ROBO1: variants seen among roughly 807,000 people sequenced by gnomAD.
The protein encoded by ROBO1 is roundabout homolog 1.
Under a neutral mutation model 195.9 loss-of-function variants are expected in ROBO1, and 149 were observed. That is an observed-to-expected ratio of 0.76 (90% CI 0.67 to 0.87). The LOEUF (loss-of-function observed/expected upper bound fraction) is 0.87. Among genes scored for constraint, ROBO1 ranks in the 40% least tolerant of loss-of-function variants. The pLI is 0.00. For missense variants in ROBO1, 1,933 were observed against 2,068.3 expected (o/e 0.93, Z 1.27); for synonymous variants, 816 against 733.2 (o/e 1.11, Z -1.82).
chr3:78,689,068 A>AT (rs1479485766), intron 8 of ROBO1, among the ~76,000 whole-genome samples: 1 of 152,166 alleles, frequency 6.6e-6, no homozygotes, highest in Non-Finnish European at 1.5e-5. Context: ...ATATACCTGA[A>AT]TTTTTTATGA....
chr3:78,799,545 G>T (rs373800500), intron 4 of ROBO1, among the ~76,000 whole-genome samples: 12 of 151,968 alleles, frequency 7.9e-5, no homozygotes, highest in East Asian at 5.8e-4. Flanking sequence ...GTTTCACCGT[G>T]TTAGCCAGGA....
chr3:79,314,707 T>A (rs1009154570), intron 2 of ROBO1, among the ~76,000 whole-genome samples: 1 of 152,226 alleles, frequency 6.6e-6, no homozygotes, highest in African/African-American at 2.4e-5. Context: ...TTCGACAGCA[T>A]ACACTCTTCT....
At chr3:78,897,221 T>G (rs768927611) in intron 4 of ROBO1, among the ~76,000 whole-genome samples, 80 of 152,170 alleles carry the variant, frequency 5.3e-4, no homozygotes, top group Admixed American at 5.2e-4. Context: ...TTTTCAGAAT[T>G]TCAAAGCTCA....
chr3:79,557,618 T>C (rs1942749189), intron 2 of ROBO1, among the ~76,000 whole-genome samples: 1 of 151,056 alleles, frequency 6.6e-6, no homozygotes, highest in Admixed American at 6.6e-5. Flanking sequence ...CCGGTAATCC[T>C]AGCTACTCAG....
chr3:79,284,834 C>A (rs893908653), intron 2 of ROBO1, among the ~76,000 whole-genome samples: 33 of 151,952 alleles, frequency 2.2e-4, no homozygotes. Flanking sequence ...ATTCATAAAT[C>A]TTTACTTGTA....
At chr3:78,991,869 C>G (rs2077245977) in intron 3 of ROBO1, among the ~76,000 whole-genome samples, 1 of 151,502 alleles carries the variant, frequency 6.6e-6, no homozygotes, top group Non-Finnish European at 1.5e-5. Context: ...ACTCAGGCAT[C>G]ATAGAAGAAA....
At chr3:78,843,752 C>T (rs1433350069) in intron 4 of ROBO1, among the ~76,000 whole-genome samples, 5 of 151,868 alleles carry the variant, frequency 3.3e-5, no homozygotes, top group Non-Finnish European at 5.9e-5. Flanking sequence ...AATCAAAGTT[C>T]GAGAAGAATC....
chr3:79,167,208 CA>C (rs1244838290), intron 2 of ROBO1, among the ~76,000 whole-genome samples: 2 of 140,338 alleles, frequency 1.4e-5, no homozygotes, highest in South Asian at 2.1e-4. Context: ...TTTCCTAATT[CA>C]TCCAGAGCAT....
Position 79,284,560 on chromosome 3 carries a change from G to A in ROBO1, c.89-159021C>T, listed in dbSNP as rs147610150. Among the ~76,000 whole-genome samples the A allele has an allele frequency of 3.9e-4, 59 of 152,128 alleles. No homozygotes were observed. The East Asian group carries it at 5.0e-3, about 13-fold the overall frequency. The stretch of plus-strand genomic sequence containing the variant: ...TGTATCTTTATAGTCAAAATACTTC[G>A]TAGTATACAATATAAACTTATGTCT... On this transcript the variant is annotated intron_variant, in intron 2 of 30. Coordinates refer to ENST00000464233, the MANE Select transcript of ROBO1 (RefSeq NM_002941.4).
intron 2 of ROBO1, among the ~76,000 whole-genome samples, chr3:79,256,449 G>C (rs1031941917): frequency 6.6e-6 from 1 of 152,034 alleles, no homozygotes; most frequent in Non-Finnish European, 1.5e-5. Context: ...AATAAACGTT[G>C]TATACAAGGT....
chr3:79,255,119 G>A (rs772128049), intron 2 of ROBO1, among the ~76,000 whole-genome samples: 29 of 152,144 alleles, frequency 1.9e-4, no homozygotes, highest in Admixed American at 1.2e-3. Flanking sequence ...TCGGATTTAT[G>A]CGTCCATTAT....
At chr3:79,680,522 G>A (rs1056210144) in intron 1 of ROBO1, among the ~76,000 whole-genome samples, 1 of 152,026 alleles carries the variant, frequency 6.6e-6, no homozygotes, top group African/African-American at 2.4e-5. Context: ...ATGAACTAGA[G>A]AAGTGATTAT....
intron 1 of ROBO1, among the ~76,000 whole-genome samples, chr3:79,623,456 T>G (rs6548632): frequency 0.87 from 132,261 of 152,160 alleles, 57,544 homozygotes; most frequent in East Asian, 0.9. Flanking sequence ...ATTGATAAAA[T>G]GTTAGAGGAA....
intron 1 of ROBO1, among the ~76,000 whole-genome samples, chr3:79,713,879 G>A (rs975985856): frequency 6.6e-6 from 1 of 152,078 alleles, no homozygotes; most frequent in Non-Finnish European, 1.5e-5. Context: ...GTTTTTGTCA[G>A]GTTTGTCAGA....
At chr3:78,645,408 AT>A (rs796750939) in intron 21 of ROBO1, among the ~76,000 whole-genome samples, 332 of 142,548 alleles carry the variant, frequency 2.3e-3, no homozygotes, top group Middle Eastern at 3.7e-3. Flanking sequence ...TGGTTGGAAG[AT>A]TTTTTTTTTT....
chr3:78,694,766 G>A lies in ROBO1; in HGVS notation c.1046-5994C>T, dbSNP rs2081249038. On this transcript the variant is annotated intron_variant, in intron 8 of 30. Coordinates refer to ENST00000464233, the MANE Select transcript of ROBO1 (RefSeq NM_002941.4). ...TTAGGCACTACAAAAGAGAGGACCT[G>A]ACAAGCTGTAACAACAGAATTTTGC... Among the ~76,000 whole-genome samples the A allele has an allele frequency of 2.6e-5, 4 of 152,086 alleles. 1 individual carries two copies. The highest frequency in any genetic ancestry group is 6.6e-5 in the Admixed American group (1 of 15,254).
chr3:79,248,691 G>C (rs556301615), intron 2 of ROBO1, among the ~76,000 whole-genome samples: 15 of 152,238 alleles, frequency 9.9e-5, no homozygotes, highest in Non-Finnish European at 1.8e-4. Flanking sequence ...AATGTTTCTG[G>C]CAAAAAGATG....
chr3:79,263,465 A>G (rs542628633), intron 2 of ROBO1, among the ~76,000 whole-genome samples: 9 of 152,184 alleles, frequency 5.9e-5, no homozygotes, highest in Non-Finnish European at 1.2e-4. Flanking sequence ...TCTGGTCAAC[A>G]TAGCAAGACC....
At chr3:78,636,628 G>A (rs1175073834) in intron 22 of ROBO1, among the ~76,000 whole-genome samples, 1 of 151,626 alleles carries the variant, frequency 6.6e-6, no homozygotes, top group South Asian at 2.1e-4. Context: ...TGGGAACAGG[G>A]GTAAAATGAT....
Sources: allele counts gnomAD v4.1 joint callset (sites outside exome capture counted in the v4.1 genomes callset), GRCh38; gene constraint gnomAD v4.1.1; transcripts MANE v1.5; gene names NCBI Gene and HGNC (gene_info 2026-07-23, HGNC 2026-07-21).